The following KIAA0825 variants were observed in gnomAD, a reference collection of about 807,000 sequenced individuals.
KIAA0825 encodes KIAA0825, also known as uncharacterized protein KIAA0825.
KIAA0825 carries 119 observed loss-of-function variants against 147.6 expected under a neutral mutation model. That is an observed-to-expected ratio of 0.81 (90% CI 0.69 to 0.94). The LOEUF (loss-of-function observed/expected upper bound fraction) is 0.94. Ranked by LOEUF, KIAA0825 falls within the 40% of genes least tolerant of loss-of-function variation. The pLI, the probability that KIAA0825 is intolerant of heterozygous loss-of-function variation, is 0.00. For missense variants in KIAA0825, 1,381 were observed against 1,472.7 expected, an observed-to-expected ratio of 0.94 and a Z score of 1.02; for synonymous variants, 470 against 518.1, an observed-to-expected ratio of 0.91 and a Z score of 1.26.
intron 16 of KIAA0825, among the ~76,000 whole-genome samples, chr5:94,398,733 C>A (rs1043198018): frequency 1.3e-5 from 2 of 152,100 alleles, no homozygotes; most frequent in African/African-American, 2.4e-5. Context: ...CAAAGCCAGA[C>A]AGTGTTTTAA....
At chr5:94,399,579 C>T (rs1751111415) in intron 16 of KIAA0825, among the ~76,000 whole-genome samples, 1 of 152,080 alleles carries the variant, frequency 6.6e-6, no homozygotes, top group Non-Finnish European at 1.5e-5. Flanking sequence ...ATGTCAACAA[C>T]ACACCAGGGA....
At chr5:94,571,538 A>G (rs1038056716) in intron 2 of KIAA0825, among the ~76,000 whole-genome samples, 3 of 152,240 alleles carry the variant, frequency 2.0e-5, no homozygotes, top group African/African-American at 7.2e-5. Flanking sequence ...CACTTGATCT[A>G]AATGAAGTCA....
chr5:94,279,587 A>G (rs941143657), intron 20 of KIAA0825, among the ~76,000 whole-genome samples: 4 of 151,766 alleles, frequency 2.6e-5, no homozygotes, highest in Non-Finnish European at 5.9e-5. Context: ...TATATTACCC[A>G]TTTATCTCTA....
At chr5:94,492,193 G>C (rs1228163486) in intron 5 of KIAA0825, among the ~76,000 whole-genome samples, 1 of 152,184 alleles carries the variant, frequency 6.6e-6, no homozygotes, top group African/African-American at 2.4e-5. Context: ...AAGCACAGAG[G>C]TGGCATAGCG....
chr5:94,181,068 G>A (rs527731831), intron 20 of KIAA0825, among the ~76,000 whole-genome samples: 1 of 152,158 alleles, frequency 6.6e-6, no homozygotes, highest in African/African-American at 2.4e-5. Context: ...TTATTTTACT[G>A]GGTAATTTAA....
chr5:94,219,798 T>G (rs992857528), intron 20 of KIAA0825, among the ~76,000 whole-genome samples: 1 of 152,150 alleles, frequency 6.6e-6, no homozygotes, highest in Non-Finnish European at 1.5e-5. Flanking sequence ...GCACTTACCA[T>G]GAATAGGGCT....
intron 20 of KIAA0825, among the ~76,000 whole-genome samples, chr5:94,170,165 G>C (rs1203737398): frequency 6.6e-6 from 1 of 152,166 alleles, no homozygotes; most frequent in Non-Finnish European, 1.5e-5. Context: ...CAGGCATGGT[G>C]GCGGGTGCCT....
intron 7 of KIAA0825, 126 bp downstream of exon 7, chr5:94,476,985 C>A: frequency 1.0e-5 from 7 of 698,198 alleles, no homozygotes; most frequent in Non-Finnish European, 1.6e-5. Flanking sequence ...ATTTTCAATC[C>A]AAAATTGAAA....
intron 20 of KIAA0825, among the ~76,000 whole-genome samples, chr5:94,158,352 T>A (rs1348974538): frequency 6.6e-6 from 1 of 152,058 alleles, no homozygotes; most frequent in Non-Finnish European, 1.5e-5. Context: ...GTTTGCCAAA[T>A]TTGCGCTAGA....
intron 5 of KIAA0825, chr5:94,519,137 T>G: frequency 1.8e-3 from 1,419 of 771,850 alleles, no homozygotes; most frequent in South Asian, 2.2e-3. Flanking sequence ...TCTTCTGCAA[T>G]GAGATATAGC....
At chr5:94,397,273 C>T (rs1242971977) in intron 16 of KIAA0825, among the ~76,000 whole-genome samples, 2 of 152,150 alleles carry the variant, frequency 1.3e-5, no homozygotes, top group African/African-American at 2.4e-5. Context: ...CATCTCTCCT[C>T]TTTGCTTCTT....
Position 94,473,501 on chromosome 5 carries a change from C to CA in KIAA0825, c.1245dup (p.Gly416TrpfsTer7). 1.3e-6 allele frequency: 2 copies of CA among 1,550,824 alleles called. No homozygotes were observed. Among genetic ancestry groups the CA allele is most frequent in the Non-Finnish European group, 1.7e-6 (2 of 1,146,300 alleles). On this transcript the variant is annotated frameshift_variant, in exon 8 of 21. Coordinates refer to ENST00000682413, the MANE Select transcript of KIAA0825 (RefSeq NM_001145678.3). LOFTEE classifies it high-confidence loss of function. ...ACTTCTTTAAATGCACTTCTCCAGC[C>CA]AAAATCTAGTAAGGTAGCCTGAAAT...
chr5:94,235,400 G>A (rs937705628), intron 20 of KIAA0825, among the ~76,000 whole-genome samples: 21 of 152,164 alleles, frequency 1.4e-4, no homozygotes, highest in Non-Finnish European at 1.5e-5. Context: ...CCCTGTCTTC[G>A]ATTCAGTGAA....
chr5:94,218,837 C>T (rs921175927), intron 20 of KIAA0825, among the ~76,000 whole-genome samples: 1 of 152,198 alleles, frequency 6.6e-6, no homozygotes, highest in African/African-American at 2.4e-5. Flanking sequence ...AATGTATTTT[C>T]CAACTGGATA....
intron 20 of KIAA0825, among the ~76,000 whole-genome samples, chr5:94,265,822 A>C (rs1416315554): frequency 6.6e-6 from 1 of 152,156 alleles, no homozygotes; most frequent in Non-Finnish European, 1.5e-5. Flanking sequence ...ACAAACAAAC[A>C]AACCTTAAAA....
At chr5:94,231,014 A>G (rs1372383597) in intron 20 of KIAA0825, among the ~76,000 whole-genome samples, 1 of 152,118 alleles carries the variant, frequency 6.6e-6, no homozygotes, top group Non-Finnish European at 1.5e-5. Context: ...GCCAATGAAA[A>G]ACCTTGACAG....
Position 94,520,304 on chromosome 5 carries a change from C to A in KIAA0825, c.914G>T (p.Arg305Leu). Residue 305 changes from arginine (R) to leucine (L), a missense_variant, in exon 5 of 21, where the codon CGT becomes CTT. Arg to Leu is a moderately radical substitution (Grantham distance 102). Transcript: ENST00000682413. ...GGAGCTCTTGCTTGTTTTAACCACA[C>A]GAACAGCATTTTCTCTGAACTGCAG... Reference protein sequence around the residue: ...CELQFRENAVRVVKTSKSSSK... With the variant: ...CELQFRENAVLVVKTSKSSSK... 1 of 1,613,364 alleles carries A rather than the reference C, an allele frequency of 6.2e-7. No individual in the cohort carries two copies. The highest frequency in any genetic ancestry group is 8.5e-7 in the Non-Finnish European group (1 of 1,179,500).
intron 20 of KIAA0825, among the ~76,000 whole-genome samples, chr5:94,322,199 C>T (rs1482498894): frequency 6.6e-6 from 1 of 151,840 alleles, no homozygotes; most frequent in Non-Finnish European, 1.5e-5. Flanking sequence ...CTTTTTAGCA[C>T]AGAATAATAC....
At chr5:94,584,770 A>G (rs928584024) in intron 1 of KIAA0825, among the ~76,000 whole-genome samples, 7 of 152,200 alleles carry the variant, frequency 4.6e-5, no homozygotes, top group African/African-American at 1.7e-4. Flanking sequence ...GAAGGAAAAA[A>G]TGTTAAGGAC....
Sources: gnomAD v4.1 joint callset for allele counts (sites outside exome capture counted in the v4.1 genomes callset) on GRCh38, gnomAD v4.1.1 for gene constraint, MANE v1.5 for transcripts, NCBI Gene and HGNC (gene_info 2026-07-23, HGNC 2026-07-21) for gene names.